The following ST8SIA2 variants were observed in gnomAD, a reference collection of about 807,000 sequenced individuals.
The protein encoded by ST8SIA2 is ST8 alpha-N-acetyl-neuraminide alpha-2,8-sialyltransferase 2.
ST8SIA2 carries 22 observed loss-of-function variants against 37.6 expected under a neutral mutation model. That is an observed-to-expected ratio of 0.58 (90% CI 0.42 to 0.83). The LOEUF (loss-of-function observed/expected upper bound fraction) is 0.83. ST8SIA2 is among the 40% of genes least tolerant of loss of function. The pLI, the probability that ST8SIA2 is intolerant of heterozygous loss-of-function variation, is 0.00. For synonymous variants in ST8SIA2, 205 were observed against 201.2 expected (o/e 1.02, Z -0.16); for missense variants, 382 against 484.7 (o/e 0.79, Z 1.99).
chr15:92,423,285 C>T (rs886595530), intron 1 of ST8SIA2, among the ~76,000 whole-genome samples: 3 of 152,168 alleles, frequency 2.0e-5, no homozygotes, highest in Non-Finnish European at 2.9e-5. Flanking sequence ...ATGGGCCAGG[C>T]GCAGTGGCTC....
At chr15:92,435,982 G>A (rs113384799) in intron 3 of ST8SIA2, among the ~76,000 whole-genome samples, 2 of 152,168 alleles carry the variant, frequency 1.3e-5, no homozygotes, top group East Asian at 3.9e-4. Context: ...TCCTCTCACC[G>A]CTTCCAGCCT....
chr15:92,438,065 C>T (rs776678868), intron 3 of ST8SIA2, among the ~76,000 whole-genome samples: 1 of 152,196 alleles, frequency 6.6e-6, no homozygotes, highest in Non-Finnish European at 1.5e-5. Context: ...CTGTGAGGAG[C>T]TCACTCCAGC....
At chr15:92,451,059 G>A (rs1596248109) in intron 5 of ST8SIA2, among the ~76,000 whole-genome samples, 1 of 152,108 alleles carries the variant, frequency 6.6e-6, no homozygotes. Flanking sequence ...GAATTGAAGG[G>A]GACAAACGTT....
intron 2 of ST8SIA2, 88 bp from the exon 3 acceptor site, chr15:92,434,159 C>A: frequency 6.3e-7 from 1 of 1,590,836 alleles, no homozygotes; most frequent in Non-Finnish European, 8.6e-7. Context: ...AGTTTACATT[C>A]AAGCCCGTGC....
At chr15:92,435,538 G>A (rs2049750489) in intron 3 of ST8SIA2, among the ~76,000 whole-genome samples, 1 of 152,162 alleles carries the variant, frequency 6.6e-6, no homozygotes, top group Non-Finnish European at 1.5e-5. Flanking sequence ...CATCAGCAAT[G>A]TCACCACGCA....
At chr15:92,429,962 G>A in intron 1 of ST8SIA2, 87 bp from the exon 2 acceptor site, 1 of 1,426,008 alleles carries the variant, frequency 7.0e-7, no homozygotes, top group Non-Finnish European at 9.9e-7. Context: ...TAGTTTTCCA[G>A]GTGGGCTATG....
Position 92,394,043 on chromosome 15 carries a change from T to A in ST8SIA2, c.-22T>A, listed in dbSNP as rs2049410455. The A allele has an allele frequency of 6.5e-7, 1 of 1,542,188 alleles. No individual in the cohort carries two copies. Among genetic ancestry groups the A allele is most frequent in the Non-Finnish European group, 8.7e-7 (1 of 1,142,902 alleles). On this transcript the variant is annotated 5_prime_UTR_variant, in exon 1 of 6. Transcript: ENST00000268164. ...TGCTCCTCGCGCCGGCCCGCGTGGGTCCCGGCGGGCGCGAACCCACCATGC... is the reference window on the plus strand; with the variant it reads ...TGCTCCTCGCGCCGGCCCGCGTGGGACCCGGCGGGCGCGAACCCACCATGC...
intron 5 of ST8SIA2, among the ~76,000 whole-genome samples, chr15:92,450,683 A>G (rs908330442): frequency 6.6e-6 from 1 of 152,224 alleles, no homozygotes; most frequent in African/African-American, 2.4e-5. Flanking sequence ...GTGCTAACCC[A>G]TTCACAAGAA....
chr15:92,424,445 C>T (rs1596237341), intron 1 of ST8SIA2, among the ~76,000 whole-genome samples: 2 of 152,068 alleles, frequency 1.3e-5, no homozygotes, highest in African/African-American at 2.4e-5. Context: ...AGCAAAAATG[C>T]AGTTTTCAGG....
rs55759461 is a variant in ST8SIA2, at chr15:92,399,764, C to G, written c.98+5602C>G. Among the ~76,000 whole-genome samples the G allele has an allele frequency of 6.6e-3, 1,001 of 152,242 alleles. 12 individuals carry two copies. The highest frequency in any genetic ancestry group is 0.023 in the African/African-American group (953 of 41,544). On this transcript the variant is annotated intron_variant, in intron 1 of 5. Coordinates refer to ENST00000268164, the MANE Select transcript of ST8SIA2 (RefSeq NM_006011.4). ...ATCACATTTAAATTGTAAATAGATACCATCTTAGAAACCAATTCACCACTC... is the reference window on the plus strand; with the variant it reads ...ATCACATTTAAATTGTAAATAGATAGCATCTTAGAAACCAATTCACCACTC...
At chr15:92,438,680 G>A in intron 4 of ST8SIA2, 70 bp downstream of exon 4, 1 of 1,491,520 alleles carries the variant, frequency 6.7e-7, no homozygotes. Context: ...AGCATTGCCA[G>A]CTGTCCCAAG....
chr15:92,454,982 G>A (rs1232042812), intron 5 of ST8SIA2, among the ~76,000 whole-genome samples: 1 of 152,098 alleles, frequency 6.6e-6, no homozygotes, highest in African/African-American at 2.4e-5. Context: ...TAGGCACCAG[G>A]AGCCTAATTA....
intron 1 of ST8SIA2, among the ~76,000 whole-genome samples, chr15:92,412,689 G>T (rs1166888166): frequency 6.6e-6 from 1 of 152,136 alleles, no homozygotes; most frequent in African/African-American, 2.4e-5. Flanking sequence ...ACAGGGTCTT[G>T]CTCTGTCACC....
chr15:92,410,142 C>G (rs1030682524), intron 1 of ST8SIA2, among the ~76,000 whole-genome samples: 4 of 152,232 alleles, frequency 2.6e-5, no homozygotes, highest in Non-Finnish European at 5.9e-5. Flanking sequence ...TTCACTTGCT[C>G]TAGAGCAACA....
intron 5 of ST8SIA2, among the ~76,000 whole-genome samples, chr15:92,458,728 A>G (rs930013180): frequency 1.3e-5 from 2 of 152,208 alleles, no homozygotes; most frequent in African/African-American, 4.8e-5. Flanking sequence ...ACACTGGTGC[A>G]CGGGTGACCA....
chr15:92,449,092 T>C lies in ST8SIA2; in HGVS notation c.842+4163T>C, dbSNP rs1035378086. Among the ~76,000 whole-genome samples, 10 of 152,198 alleles carry C rather than the reference T, an allele frequency of 6.6e-5. 1 individual carries two copies. Among genetic ancestry groups the C allele is most frequent in the African/African-American group, 2.2e-4 (9 of 41,430 alleles). On this transcript the variant is annotated intron_variant, in intron 5 of 5. Transcript: ENST00000268164. The stretch of plus-strand genomic sequence containing the variant: ...GGGTATATTGCATGATGCTGAGGTT[T>C]GTGATACAAACGATCCCACCACCCA...
At chr15:92,414,793 G>A (rs985807762) in intron 1 of ST8SIA2, among the ~76,000 whole-genome samples, 9 of 152,154 alleles carry the variant, frequency 5.9e-5, no homozygotes, top group South Asian at 2.1e-4. Flanking sequence ...TCTATGACCC[G>A]TCACCACCCC....
At chr15:92,436,426 C>T (rs1298671482) in intron 3 of ST8SIA2, among the ~76,000 whole-genome samples, 1 of 152,126 alleles carries the variant, frequency 6.6e-6, no homozygotes, top group Non-Finnish European at 1.5e-5. Context: ...TGTACCTTTA[C>T]CCAGAGGGAA....
At chr15:92,444,526 T>C in intron 4 of ST8SIA2, 110 bp from the exon 5 acceptor site, 1 of 1,377,534 alleles carries the variant, frequency 7.3e-7, no homozygotes, top group Non-Finnish European at 1.0e-6. Context: ...CCCTGGGTCT[T>C]TGTTTGGGGA....
Sources: gnomAD v4.1 joint callset for allele counts (sites outside exome capture counted in the v4.1 genomes callset) on GRCh38, gnomAD v4.1.1 for gene constraint, MANE v1.5 for transcripts, NCBI Gene and HGNC (gene_info 2026-07-23, HGNC 2026-07-21) for gene names.